SMARCA2: variants seen among roughly 807,000 people sequenced by gnomAD.
SMARCA2 encodes SWI/SNF related BAF chromatin remodeling complex subunit ATPase 2.
In SMARCA2, 61 loss-of-function variants were observed where a neutral mutation model predicts 199.8. That is an observed-to-expected ratio of 0.31 (90% confidence interval 0.25 to 0.38). The LOEUF (loss-of-function observed/expected upper bound fraction) is 0.38, where lower values mean the gene tolerates loss of function less well. Ranked by LOEUF, SMARCA2 falls within the 10% of genes least tolerant of loss-of-function variation. The probability of loss-of-function intolerance (pLI) is 1.00; values close to 1 mark genes in which losing one functional copy is unlikely to be tolerated. For missense variants in SMARCA2, 1,344 were observed against 2,012.2 expected (o/e 0.67, Z 6.35); for synonymous variants, 935 against 732.0 (o/e 1.28, Z -4.48).
intron 4 of SMARCA2, chr9:2,041,590 A>T: frequency 2.5e-6 from 1 of 393,178 alleles, no homozygotes; most frequent in Non-Finnish European, 4.5e-6. Flanking sequence ...ATGAATTTTG[A>T]GGGGACCATA....
Position 2,085,124 on chromosome 9 carries a change from A to G in SMARCA2, c.2526+928A>G, listed in dbSNP as rs959478502. 3.3e-5 allele frequency among the ~76,000 whole-genome samples: 5 copies of G among 152,218 alleles called. No homozygotes were observed. In the South Asian group the frequency reaches 8.3e-4, roughly 25 times the overall value. ...CTTCATGGCATCATAGGAAATAACAAAAAGGAAATGTGTTCCCAGGGGAGG... is the reference window on the plus strand; with the variant it reads ...CTTCATGGCATCATAGGAAATAACAGAAAGGAAATGTGTTCCCAGGGGAGG... On this transcript the variant is annotated intron_variant, in intron 17 of 33. Transcript: ENST00000349721.
chr9:2,070,594 T>C (rs1199765484), intron 10 of SMARCA2, 123 bp downstream of exon 10: 1 of 682,878 alleles, frequency 1.5e-6, no homozygotes, highest in Non-Finnish European at 2.5e-6. Context: ...GTAAAAATAG[T>C]AATACATTAG....
At chr9:2,096,892 G>C (rs1173830139) in intron 20 of SMARCA2, 128 bp downstream of exon 20, 3 of 676,278 alleles carry the variant, frequency 4.4e-6, no homozygotes, top group South Asian at 3.4e-5. Flanking sequence ...GACCTCCTTT[G>C]AGCTATTATA....
intron 27 of SMARCA2, among the ~76,000 whole-genome samples, chr9:2,138,636 A>G (rs1824320225): frequency 6.6e-6 from 1 of 152,210 alleles, no homozygotes; most frequent in Non-Finnish European, 1.5e-5. Context: ...GTGTCAGATG[A>G]TCAGGGTTCT....
intron 31 of SMARCA2, among the ~76,000 whole-genome samples, chr9:2,182,697 G>A (rs1225646994): frequency 6.6e-6 from 1 of 152,000 alleles, no homozygotes; most frequent in Admixed American, 6.6e-5. Flanking sequence ...GTTTCACCAT[G>A]TTGGCCAGGC....
At chr9:2,120,278 A>C (rs1823399768) in intron 26 of SMARCA2, among the ~76,000 whole-genome samples, 1 of 152,180 alleles carries the variant, frequency 6.6e-6, no homozygotes, top group South Asian at 2.1e-4. Flanking sequence ...AGAGGTCCCA[A>C]ATTTGAGTGC....
At chr9:2,187,295 C>T (rs7026165) in intron 32 of SMARCA2, among the ~76,000 whole-genome samples, 13 of 152,012 alleles carry the variant, frequency 8.6e-5, no homozygotes, top group East Asian at 3.9e-4. Context: ...ACCCAAGGTG[C>T]GTGCCTCCAT....
chr9:2,054,459 G>A (rs1052818165), intron 5 of SMARCA2, 138 bp from the exon 6 acceptor site: 1 of 997,306 alleles, frequency 1.0e-6, no homozygotes, highest in African/African-American at 1.6e-5. Flanking sequence ...ATTCTAGTTG[G>A]GTGTTAGAGA....
chr9:2,103,877 AT>A (rs1482783165), intron 22 of SMARCA2, 125 bp from the exon 23 acceptor site: 2 of 703,500 alleles, frequency 2.8e-6, no homozygotes, highest in Non-Finnish European at 4.7e-6. Flanking sequence ...TCATTCATTC[AT>A]TTCACAGTTA....
At chr9:2,167,062 C>G (rs1825967418) in intron 28 of SMARCA2, among the ~76,000 whole-genome samples, 2 of 152,206 alleles carry the variant, frequency 1.3e-5, no homozygotes, top group South Asian at 4.1e-4. Flanking sequence ...GTAACAGTCT[C>G]AAATTTTCTT....
intron 18 of SMARCA2, chr9:2,087,329 C>G: frequency 2.1e-6 from 1 of 466,940 alleles, no homozygotes. Flanking sequence ...AGAAAAGGGT[C>G]CCAACCGGTG....
At chr9:2,148,857 C>T (rs913254521) in intron 27 of SMARCA2, among the ~76,000 whole-genome samples, 4 of 151,382 alleles carry the variant, frequency 2.6e-5, no homozygotes, top group African/African-American at 9.7e-5. Context: ...TTGTGTTTGT[C>T]TCTCCTGCGC....
intron 23 of SMARCA2, among the ~76,000 whole-genome samples, chr9:2,107,638 C>T (rs1822815900): frequency 6.6e-6 from 1 of 152,122 alleles, no homozygotes; most frequent in East Asian, 1.9e-4. Flanking sequence ...AAATACACAC[C>T]AGATATATGG....
Position 2,039,597 on chromosome 9 carries a change from G to A in SMARCA2, c.487G>A (p.Ala163Thr), listed in dbSNP as rs1485845574. The change falls in exon 4 of 34, where the codon GCC (alanine) becomes ACC (threonine). Residue 163 changes from alanine to threonine, a missense_variant. Ala to Thr is a moderately conservative substitution (Grantham distance 58). This residue lies in a region of SMARCA2 where 275 missense variants were observed against 247.5 expected (regional missense o/e 1.11). Coordinates refer to ENST00000349721, the MANE Select transcript of SMARCA2 (RefSeq NM_003070.5). This position sits in a 1 kb window ranked among gnomAD's most constrained non-coding sequence, Gnocchi z 4.8. ...GGCCCTCATCCCAGGTGATCCGCAGGCCATGAGCCAGCCCAACAGAGGTCC... is the reference window on the plus strand; with the variant it reads ...GGCCCTCATCCCAGGTGATCCGCAGACCATGAGCCAGCCCAACAGAGGTCC... ...PGALIPGDPQ[A>T]MSQPNRGPSP... 6.2e-7 allele frequency: 1 copy of A among 1,614,090 alleles called. No individual in the cohort carries two copies. Among genetic ancestry groups the A allele is most frequent in the African/African-American group, 1.3e-5 (1 of 74,930 alleles).
chr9:2,044,721 A>G (rs1125205), intron 4 of SMARCA2: 79,002 of 152,114 alleles, frequency 0.52, 23,314 homozygotes, highest in African/African-American at 0.81. Flanking sequence ...AGGTGAAAGA[A>G]CATTTTTTCT....
intron 4 of SMARCA2, chr9:2,040,128 G>T: frequency 1.1e-6 from 1 of 897,212 alleles, no homozygotes; most frequent in South Asian, 1.9e-5. Context: ...GTGCAAGCTG[G>T]AGACCCAGGG....
intron 31 of SMARCA2, among the ~76,000 whole-genome samples, chr9:2,185,310 T>C (rs980094400): frequency 1.3e-5 from 2 of 151,928 alleles, no homozygotes; most frequent in African/African-American, 4.9e-5. Flanking sequence ...TATGCACTTA[T>C]GGACTTAGCG....
intron 23 of SMARCA2, among the ~76,000 whole-genome samples, chr9:2,108,726 A>G (rs185202095): frequency 5.1e-4 from 77 of 152,354 alleles, no homozygotes; most frequent in African/African-American, 1.7e-3. Flanking sequence ...AATATCTTCC[A>G]TTAGCGTCGT....
intron 10 of SMARCA2, among the ~76,000 whole-genome samples, chr9:2,070,729 A>G (rs1737889937): frequency 1.3e-5 from 2 of 152,240 alleles, no homozygotes. Context: ...GTGCACATAT[A>G]ATCGTATGTT....
Sources: gnomAD v4.1 joint callset for allele counts (sites outside exome capture counted in the v4.1 genomes callset) on GRCh38, gnomAD v4.1.1 for gene constraint, gnomAD v4.1.1 regional missense constraint, Gnocchi (gnomAD v3.1) non-coding constraint, MANE v1.5 for transcripts, NCBI Gene and HGNC (gene_info 2026-07-23, HGNC 2026-07-21) for gene names.